SH3RF3: variants seen among roughly 807,000 people sequenced by gnomAD.
SH3RF3 encodes the protein SH3 domain containing ring finger 3.
A neutral mutation model predicts 66.3 loss-of-function variants in SH3RF3; 29 were observed. The ratio of observed to expected loss-of-function variants is 0.44; its 90% CI spans 0.33 to 0.60. The LOEUF is 0.60. Ranked by LOEUF, SH3RF3 falls within the 20% of genes least tolerant of loss-of-function variation. The probability of loss-of-function intolerance (pLI) is 0.04; values close to 1 mark genes in which losing one functional copy is unlikely to be tolerated. For synonymous variants in SH3RF3, 583 were observed against 532.0 expected, an observed-to-expected ratio of 1.10 and a Z score of -1.32; for missense variants, 1,194 against 1,190.9, an observed-to-expected ratio of 1.00 and a Z score of -0.04.
intron 2 of SH3RF3, among the ~76,000 whole-genome samples, chr2:109,361,629 A>G (rs1323618822): frequency 6.6e-6 from 1 of 152,076 alleles, no homozygotes; most frequent in Non-Finnish European, 1.5e-5. Context: ...ATACGCCACC[A>G]TGCCCGGCTA....
At chr2:109,391,602 G>C (rs1483015051) in intron 3 of SH3RF3, among the ~76,000 whole-genome samples, 1 of 152,228 alleles carries the variant, frequency 6.6e-6, no homozygotes, top group Non-Finnish European at 1.5e-5. Flanking sequence ...CTTGTGGCCG[G>C]GCAGGGAGCA....
chr2:109,264,169 G>C (rs933448413), intron 1 of SH3RF3, among the ~76,000 whole-genome samples: 981 of 123,772 alleles, frequency 7.9e-3, no homozygotes, highest in Middle Eastern at 0.051. Flanking sequence ...CACCTCCCCA[G>C]GATCCACCCC....
intron 4 of SH3RF3, among the ~76,000 whole-genome samples, chr2:109,413,046 G>A (rs191003173): frequency 3.3e-4 from 50 of 152,276 alleles, no homozygotes; most frequent in African/African-American, 1.1e-3. Context: ...CAGGTTTTTC[G>A]TATCATAAAC....
chr2:109,201,836 T>C (rs2105071398), intron 1 of SH3RF3, among the ~76,000 whole-genome samples: 2 of 152,320 alleles, frequency 1.3e-5, no homozygotes, highest in South Asian at 4.1e-4. Context: ...AAATGGGGCA[T>C]AGTGCCCTCC....
chr2:109,480,093 C>T (rs1013435318), intron 8 of SH3RF3, among the ~76,000 whole-genome samples: 1 of 152,240 alleles, frequency 6.6e-6, no homozygotes, highest in African/African-American at 2.4e-5. Context: ...TCTCCTTTAG[C>T]TGAGAGGTGA....
At chr2:109,446,394 G>A (rs751006758) in intron 7 of SH3RF3, among the ~76,000 whole-genome samples, 7 of 152,196 alleles carry the variant, frequency 4.6e-5, no homozygotes, top group Non-Finnish European at 8.8e-5. Context: ...ATGGAGCTCC[G>A]TTGCACAGTG....
chr2:109,490,027 C>T (rs867237566), intron 8 of SH3RF3, among the ~76,000 whole-genome samples: 9 of 152,176 alleles, frequency 5.9e-5, no homozygotes, highest in Non-Finnish European at 1.3e-4. Context: ...CATGAGCCAC[C>T]GTGCCCAGCC....
chr2:109,268,374 G>A (rs1043097965), intron 1 of SH3RF3, among the ~76,000 whole-genome samples: 7 of 151,898 alleles, frequency 4.6e-5, no homozygotes, highest in East Asian at 2.0e-4. Context: ...GGGGATGTCC[G>A]TTTCACCCGC....
At chr2:109,354,401 G>A (rs1027269024) in intron 2 of SH3RF3, among the ~76,000 whole-genome samples, 9 of 152,218 alleles carry the variant, frequency 5.9e-5, no homozygotes, top group Non-Finnish European at 8.8e-5. Context: ...GAAAAGTGGC[G>A]CAGCGTTCAT....
intron 4 of SH3RF3, among the ~76,000 whole-genome samples, chr2:109,419,065 C>T (rs1415064625): frequency 6.6e-6 from 1 of 152,112 alleles, no homozygotes; most frequent in Non-Finnish European, 1.5e-5. Context: ...CACCCTGTGA[C>T]TCCCGGTCCT....
chr2:109,267,236 C>T (rs1680517556), intron 1 of SH3RF3, among the ~76,000 whole-genome samples: 1 of 152,066 alleles, frequency 6.6e-6, no homozygotes, highest in Non-Finnish European at 1.5e-5. Context: ...ATAGGAAGTG[C>T]ATGTAAAGGC....
chr2:109,161,854 G>A (rs1677497625), intron 1 of SH3RF3, among the ~76,000 whole-genome samples: 1 of 151,822 alleles, frequency 6.6e-6, no homozygotes, highest in South Asian at 2.1e-4. Context: ...TCCAACATTG[G>A]GGATCACATT....
chr2:109,455,227 A>G (rs1483961073), intron 8 of SH3RF3, among the ~76,000 whole-genome samples: 1 of 152,142 alleles, frequency 6.6e-6, no homozygotes, highest in African/African-American at 2.4e-5. Context: ...CATCCAGGGT[A>G]GCGGCTGGCA....
chr2:109,299,178 C>T (rs1319698211), intron 1 of SH3RF3, among the ~76,000 whole-genome samples: 1 of 152,250 alleles, frequency 6.6e-6, no homozygotes, highest in Non-Finnish European at 1.5e-5. Context: ...ACGGGGCCTC[C>T]TCTGACCACT....
At chr2:109,194,208 G>A (rs13417446) in intron 1 of SH3RF3, among the ~76,000 whole-genome samples, 123,060 of 152,248 alleles carry the variant, frequency 0.81, 49,859 homozygotes, top group South Asian at 0.86. Context: ...GGCACTGCCC[G>A]TGCAGACCAC....
At position 109,409,401 on chromosome 2, in the gene SH3RF3, A is replaced by G. The variant is rs1676530017; in HGVS notation, c.1300-10138A>G. ...CTGCAGTATCAGAGCAGCTGGAGAC[A>G]GCAGTGGATGGTGGGCATGGCTGGC... On this transcript the variant is annotated intron_variant, in intron 4 of 9. Coordinates refer to ENST00000309415, the MANE Select transcript of SH3RF3 (RefSeq NM_001099289.3). 2.0e-5 allele frequency among the ~76,000 whole-genome samples: 3 copies of G among 152,250 alleles called. No homozygotes were observed. The South Asian group carries it at 6.2e-4, about 31-fold the overall frequency.
intron 1 of SH3RF3, among the ~76,000 whole-genome samples, chr2:109,202,227 G>A (rs1015345480): frequency 3.3e-5 from 5 of 152,172 alleles, no homozygotes; most frequent in Non-Finnish European, 7.3e-5. Context: ...GTGGACTGCA[G>A]AGTGAGGATG....
chr2:109,367,044 C>G (rs968275322), intron 2 of SH3RF3, among the ~76,000 whole-genome samples: 1 of 151,734 alleles, frequency 6.6e-6, no homozygotes, highest in African/African-American at 2.4e-5. Flanking sequence ...ACTTTCACCT[C>G]CTGGTTCAAG....
intron 1 of SH3RF3, among the ~76,000 whole-genome samples, chr2:109,253,428 G>A (rs1012130744): frequency 2.0e-5 from 3 of 152,196 alleles, no homozygotes; most frequent in Non-Finnish European, 4.4e-5. Flanking sequence ...GTTTCAGGAC[G>A]TGGGCGCTGC....
Sources: allele counts gnomAD v4.1 joint callset (sites outside exome capture counted in the v4.1 genomes callset), GRCh38; gene constraint gnomAD v4.1.1; transcripts MANE v1.5; gene names NCBI Gene and HGNC (gene_info 2026-07-23, HGNC 2026-07-21).